IL7: variants seen among roughly 807,000 people sequenced by gnomAD.
The protein encoded by IL7 is interleukin-7.
Under a neutral mutation model 21.6 loss-of-function variants are expected in IL7, and 3 were observed. The ratio of observed to expected loss-of-function variants is 0.14; its 90% CI spans 0.06 to 0.36. The LOEUF is 0.36. Ranked by LOEUF, IL7 falls within the 10% of genes least tolerant of loss-of-function variation. The pLI, the probability that IL7 is intolerant of heterozygous loss-of-function variation, is 1.00. For missense variants in IL7, 175 were observed against 200.2 expected, an observed-to-expected ratio of 0.87 and a Z score of 0.76; for synonymous variants, 62 against 68.1, an observed-to-expected ratio of 0.91 and a Z score of 0.44.
chr8:78,754,772 C>T lies in IL7; in HGVS notation c.148-14690G>A, dbSNP rs773664229. ...TGAATAATTTGCACATATTTTGTCT[C>T]ATTCTATAGGTTGTCTCTCCACTCT... On this transcript the variant is annotated intron_variant, in intron 2 of 5. Transcript: ENST00000263851. 2.6e-5 allele frequency among the ~76,000 whole-genome samples: 4 copies of T among 152,094 alleles called. No homozygotes were observed. In the South Asian group the frequency reaches 6.2e-4, roughly 24 times the overall value.
At chr8:78,682,348 T>C (rs1000192960) in intron 4 of IL7, among the ~76,000 whole-genome samples, 1 of 147,232 alleles carries the variant, frequency 6.8e-6, no homozygotes, top group African/African-American at 2.7e-5. Flanking sequence ...GGAGACTGGG[T>C]AATTTATAAA....
chr8:78,698,288 T>C, intron 3 of IL7: 1 of 720,492 alleles, frequency 1.4e-6, no homozygotes, highest in South Asian at 2.2e-5. Flanking sequence ...TTAAAAAATG[T>C]CTTCAATGAA....
intron 2 of IL7, chr8:78,760,887 A>G (rs1812530656): frequency 1.3e-6 from 2 of 1,560,100 alleles, no homozygotes; most frequent in South Asian, 1.2e-5. Flanking sequence ...ACTGCAGTCA[A>G]GCTACCGGCT....
downstream of IL7, among the ~76,000 whole-genome samples, chr8:78,732,082 G>A (rs1811434851): frequency 6.6e-6 from 1 of 151,992 alleles, no homozygotes. Context: ...CCAGTAATCA[G>A]GGTAGAGGTG....
intron 2 of IL7, among the ~76,000 whole-genome samples, chr8:78,779,803 GA>G (rs889345527): frequency 2.0e-5 from 3 of 152,034 alleles, no homozygotes; most frequent in African/African-American, 7.2e-5. Context: ...AATAATTTCA[GA>G]AAAAATGGTA....
At chr8:78,779,206 C>A (rs771242228) in intron 2 of IL7, among the ~76,000 whole-genome samples, 6 of 151,916 alleles carry the variant, frequency 3.9e-5, no homozygotes, top group Non-Finnish European at 7.4e-5. Context: ...GACTTCCTGT[C>A]TTCCTATTTG....
intron 3 of IL7, among the ~76,000 whole-genome samples, chr8:78,724,360 C>T (rs1448653644): frequency 6.6e-6 from 1 of 151,872 alleles, no homozygotes; most frequent in Non-Finnish European, 1.5e-5. Flanking sequence ...TTCTGTATAT[C>T]TACATATGTA....
At chr8:78,713,108 G>A (rs1414187879), downstream of IL7, among the ~76,000 whole-genome samples, 1 of 152,116 alleles carries the variant, frequency 6.6e-6, no homozygotes, top group Non-Finnish European at 1.5e-5. Flanking sequence ...GATGGATTAA[G>A]TACAATTCCA....
chr8:78,804,201 A>G (rs939371964), intron 1 of IL7, among the ~76,000 whole-genome samples: 5 of 152,086 alleles, frequency 3.3e-5, no homozygotes, highest in African/African-American at 1.2e-4. Flanking sequence ...AGGTCTCAAT[A>G]CTGGTCTGGA....
In IL7 at chr8:78,788,851, C is replaced by G. The variant is rs773672141; in HGVS notation, c.147+9221G>C. On this transcript the variant is annotated intron_variant, in intron 2 of 5. Transcript: ENST00000263851. Reference sequence around the variant, plus strand: ...AAGTTTCCAACTATAATAATAGATACATGTATTTCTTGCAGTTTATCAGTT... The same window carrying G: ...AAGTTTCCAACTATAATAATAGATAGATGTATTTCTTGCAGTTTATCAGTT... 7.2e-5 allele frequency among the ~76,000 whole-genome samples: 11 copies of G among 152,226 alleles called. No individual in the cohort carries two copies. The East Asian group carries it at 2.1e-3, about 29-fold the overall frequency.
intron 3 of IL7, chr8:78,697,375 T>C: frequency 6.7e-7 from 1 of 1,501,414 alleles, no homozygotes; most frequent in South Asian, 1.2e-5. Context: ...CAAAAAGTGA[T>C]GTTGATTAAT....
intron 2 of IL7, among the ~76,000 whole-genome samples, chr8:78,768,389 A>C (rs1488076611): frequency 6.7e-6 from 1 of 150,106 alleles, no homozygotes; most frequent in Non-Finnish European, 1.5e-5. Flanking sequence ...TCCCACCAAC[A>C]GTGTAAAAGT....
At chr8:78,749,699 T>C (rs1812103606) in intron 2 of IL7, among the ~76,000 whole-genome samples, 1 of 152,208 alleles carries the variant, frequency 6.6e-6, no homozygotes, top group Non-Finnish European at 1.5e-5. Context: ...GTTTGATCTT[T>C]AGGAGCTCTA....
At chr8:78,769,550 G>A (rs1274025751) in intron 2 of IL7, among the ~76,000 whole-genome samples, 2 of 152,134 alleles carry the variant, frequency 1.3e-5, no homozygotes, top group Non-Finnish European at 2.9e-5. Flanking sequence ...CAAACAAATG[G>A]AAGAACAATC....
chr8:78,687,530 ATAT>A (rs1315627897), intron 3 of IL7, among the ~76,000 whole-genome samples: 1 of 142,754 alleles, frequency 7.0e-6, no homozygotes, highest in Non-Finnish European at 1.5e-5. Flanking sequence ...ATAATAAATT[ATAT>A]ATTTATATAA....
chr8:78,735,214 G>T (rs1172574199), intron 5 of IL7, among the ~76,000 whole-genome samples: 1 of 140,628 alleles, frequency 7.1e-6, no homozygotes, highest in East Asian at 2.2e-4. Flanking sequence ...TCACTAAAAA[G>T]TAAAAAACAG....
At chr8:78,718,154 A>G (rs1371004699) in intron 6 of IL7, 1 of 152,056 alleles carries the variant, frequency 6.6e-6, no homozygotes, top group Non-Finnish European at 1.5e-5. Flanking sequence ...AAAAATACAA[A>G]TCTATCTTGT....
chr8:78,771,424 T>C (rs1232959918), intron 2 of IL7, among the ~76,000 whole-genome samples: 2 of 152,020 alleles, frequency 1.3e-5, no homozygotes, highest in Admixed American at 1.3e-4. Flanking sequence ...TCATAGATAA[T>C]CCAATCAGAG....
chr8:78,679,919 G>C (rs1462121944), intron 4 of IL7, among the ~76,000 whole-genome samples: 1 of 152,084 alleles, frequency 6.6e-6, no homozygotes, highest in African/African-American at 2.4e-5. Context: ...GCCTATATTA[G>C]CTTTAATTTG....
Sources: allele counts gnomAD v4.1 joint callset (sites outside exome capture counted in the v4.1 genomes callset), GRCh38; gene constraint gnomAD v4.1.1; transcripts MANE v1.5; gene names NCBI Gene and HGNC (gene_info 2026-07-23, HGNC 2026-07-21).